TTBK2: variants seen among roughly 807,000 people sequenced by gnomAD.
TTBK2 encodes tau-tubulin kinase 2.
A neutral mutation model predicts 110.8 loss-of-function variants in TTBK2; 28 were observed. The ratio of observed to expected loss-of-function variants is 0.25; its 90% CI spans 0.19 to 0.35. The LOEUF is 0.35. Ranked by LOEUF, TTBK2 falls within the 10% of genes least tolerant of loss-of-function variation. The pLI, the probability that TTBK2 is intolerant of heterozygous loss-of-function variation, is 1.00. For synonymous variants in TTBK2, 532 were observed against 527.3 expected, an observed-to-expected ratio of 1.01 and a Z score of -0.12; for missense variants, 1,369 against 1,500.3, an observed-to-expected ratio of 0.91 and a Z score of 1.45.
intron 3 of TTBK2, among the ~76,000 whole-genome samples, chr15:42,841,675 G>A (rs113135139): frequency 1.1e-4 from 17 of 152,208 alleles, no homozygotes; most frequent in African/African-American, 3.9e-4. Flanking sequence ...CAATTCTAGC[G>A]GAGAAGGTCA....
At chr15:42,871,613 C>CTAG (rs1894617579) in intron 3 of TTBK2, 1 of 984,762 alleles carries the variant, frequency 1.0e-6, no homozygotes, top group South Asian at 4.7e-5. Flanking sequence ...GTAGCCTCTA[C>CTAG]ACCACTGAGT....
At chr15:42,810,579 A>C in intron 9 of TTBK2, 35 bp downstream of exon 9, 2 of 1,612,406 alleles carry the variant, frequency 1.2e-6, no homozygotes, top group Non-Finnish European at 1.7e-6. Context: ...TAAGAGAGAA[A>C]ATAACTAACC....
In TTBK2 at chr15:42,754,395, T is replaced by C. The variant is rs1453022101; in HGVS notation, c.1999-1148A>G. 3.3e-5 allele frequency among the ~76,000 whole-genome samples: 5 copies of C among 151,678 alleles called. No homozygotes were observed. The South Asian group carries it at 1.0e-3, about 32-fold the overall frequency. On this transcript the variant is annotated intron_variant, in intron 13 of 14. Transcript: ENST00000267890. ...CATACCTGGCCAATTTTTTATTTTA[T>C]TTTATTTTATTTTTTTATGAGATGT... is the stretch of plus-strand genomic sequence containing the variant.
chr15:42,811,908 T>C (rs1451548949), intron 7 of TTBK2, 128 bp from the exon 8 acceptor site: 8 of 657,426 alleles, frequency 1.2e-5, no homozygotes, highest in Admixed American at 7.4e-5. Context: ...CAAAAAATTA[T>C]ATGATAAACA....
intron 1 of TTBK2, among the ~76,000 whole-genome samples, chr15:42,897,469 C>T (rs377484235): frequency 4.6e-5 from 7 of 152,060 alleles, no homozygotes; most frequent in Non-Finnish European, 4.4e-5. Flanking sequence ...GAAGGAAATA[C>T]GAGATGAGTA....
intron 3 of TTBK2, among the ~76,000 whole-genome samples, chr15:42,854,954 T>C (rs1893869631): frequency 6.6e-6 from 1 of 152,224 alleles, no homozygotes; most frequent in Non-Finnish European, 1.5e-5. Flanking sequence ...ATGTATGCTA[T>C]AATTGAATAT....
At chr15:42,804,363 C>T (rs1365735438) in intron 9 of TTBK2, among the ~76,000 whole-genome samples, 1 of 151,902 alleles carries the variant, frequency 6.6e-6, no homozygotes, top group Non-Finnish European at 1.5e-5. Context: ...ATTGCTTGAA[C>T]CCAGGAGGTA....
chr15:42,803,842 C>T (rs1168170816), intron 9 of TTBK2, among the ~76,000 whole-genome samples: 3 of 151,576 alleles, frequency 2.0e-5, no homozygotes, highest in East Asian at 1.9e-4. Context: ...ACCTGGCCAA[C>T]GTGGTGAAAC....
chr15:42,898,408 G>A (rs899413877), intron 1 of TTBK2, among the ~76,000 whole-genome samples: 1 of 151,878 alleles, frequency 6.6e-6, no homozygotes, highest in South Asian at 2.1e-4. Flanking sequence ...AGCCAGTTAC[G>A]GTAGCATGCA....
Position 42,753,073 on chromosome 15 carries a change from C to T in TTBK2, c.2173G>A (p.Gly725Arg), listed in dbSNP as rs1188786757. 1 of 1,610,218 alleles carries T rather than the reference C, an allele frequency of 6.2e-7. No homozygotes were observed. Among genetic ancestry groups the T allele is most frequent in the South Asian group, 1.1e-5 (1 of 90,416 alleles). ...VVTEGEPPSG[G>R]SRTDLGLQID... ...TGAAGCCCCAAATCTGTTCTGCTTC[C>T]TCCACTAGGAGGTTCACCCTCTGTC... Residue 725 changes from glycine (G) to arginine (R), a missense_variant, in exon 14 of 15, where the codon GGA becomes AGA. Gly to Arg is a moderately radical substitution (Grantham distance 125). Around this residue, in one of 4 missense-constraint regions of TTBK2, gnomAD observed 1,097 missense variants for 1,114.7 expected, o/e 0.98. Transcript: ENST00000267890.
chr15:42,816,305 TG>T (rs1892026348), intron 7 of TTBK2, among the ~76,000 whole-genome samples: 1 of 150,202 alleles, frequency 6.7e-6, no homozygotes, highest in African/African-American at 2.5e-5. Flanking sequence ...TTAGTAGAGA[TG>T]GGGTTTCACT....
At chr15:42,785,922 G>C (rs1228224649) in intron 10 of TTBK2, among the ~76,000 whole-genome samples, 2 of 152,146 alleles carry the variant, frequency 1.3e-5, no homozygotes, top group African/African-American at 4.8e-5. Context: ...AAGGGTCACA[G>C]TTAGATCCTG....
Position 42,902,175 on chromosome 15 carries a change from C to T in TTBK2, c.-68+18263G>A, listed in dbSNP as rs370866908. Reference sequence around the variant, plus strand: ...AGGTTGCAGTGAGCCAAGATCGTGCCATTGCCCTCCAGCATGGGCAACAGA... The same window carrying T: ...AGGTTGCAGTGAGCCAAGATCGTGCTATTGCCCTCCAGCATGGGCAACAGA... On this transcript the variant is annotated intron_variant, in intron 1 of 14. Transcript: ENST00000267890. Among the ~76,000 whole-genome samples, 153 of 148,724 alleles carry T rather than the reference C, an allele frequency of 1.0e-3. 1 individual carries two copies. The highest frequency in any genetic ancestry group is 3.7e-3 in the African/African-American group (148 of 40,234).
At chr15:42,836,760 C>T (rs779112411) in intron 4 of TTBK2, among the ~76,000 whole-genome samples, 7 of 152,182 alleles carry the variant, frequency 4.6e-5, no homozygotes, top group African/African-American at 7.2e-5. Context: ...TTATATAATT[C>T]TCCAGTCAAT....
intron 1 of TTBK2, among the ~76,000 whole-genome samples, chr15:42,890,397 A>C (rs1481003069): frequency 6.6e-6 from 1 of 152,188 alleles, no homozygotes; most frequent in African/African-American, 2.4e-5. Context: ...TCCTAACTTC[A>C]TGAGGAAAGA....
intron 1 of TTBK2, among the ~76,000 whole-genome samples, chr15:42,890,786 CCAACTTCCAGGAAAAGAGT>C (rs1895424812): frequency 6.6e-6 from 1 of 152,136 alleles, no homozygotes. Context: ...TCTCCACCTC[CCAACTTCCAGGAAAAGAGT>C]TACTAGTGAT....
At chr15:42,767,673 T>C (rs1181868180) in intron 13 of TTBK2, among the ~76,000 whole-genome samples, 1 of 152,192 alleles carries the variant, frequency 6.6e-6, no homozygotes, top group Non-Finnish European at 1.5e-5. Context: ...AGCCATATTC[T>C]ACCAGAGGTA....
intron 3 of TTBK2, among the ~76,000 whole-genome samples, chr15:42,853,863 A>T (rs1893822514): frequency 6.6e-6 from 1 of 152,050 alleles, no homozygotes; most frequent in Non-Finnish European, 1.5e-5. Flanking sequence ...CCTGGGCAAC[A>T]GTTGAAGGCT....
intron 4 of TTBK2, among the ~76,000 whole-genome samples, chr15:42,837,635 G>A (rs1220535669): frequency 7.1e-6 from 1 of 140,268 alleles, no homozygotes; most frequent in African/African-American, 2.7e-5. Flanking sequence ...CTCCTGCCCG[G>A]TGACAGAGTG....
Sources: gnomAD v4.1 joint callset for allele counts (sites outside exome capture counted in the v4.1 genomes callset) on GRCh38, gnomAD v4.1.1 for gene constraint, gnomAD v4.1.1 regional missense constraint, MANE v1.5 for transcripts, NCBI Gene and HGNC (gene_info 2026-07-23, HGNC 2026-07-21) for gene names.